NSRP1: variants seen among roughly 807,000 people sequenced by gnomAD.
NSRP1 encodes the protein coiled-coil domain containing 55.
In NSRP1, 24 loss-of-function variants were observed where a neutral mutation model predicts 54.7. The observed-to-expected ratio is 0.44, with a 90% CI of 0.32 to 0.62. The LOEUF (loss-of-function observed/expected upper bound fraction) is 0.62, where lower values mean the gene tolerates loss of function less well. Among genes scored for constraint, NSRP1 ranks in the 20% least tolerant of loss-of-function variants. NSRP1 has a pLI of 0.06. For missense variants in NSRP1, 596 were observed against 651.2 expected, an observed-to-expected ratio of 0.92 and a Z score of 0.92; for synonymous variants, 210 against 213.8, an observed-to-expected ratio of 0.98 and a Z score of 0.15.
chr17:30,134,701 A>T (rs2071732932), intron 2 of NSRP1, among the ~76,000 whole-genome samples: 1 of 152,218 alleles, frequency 6.6e-6, no homozygotes. Flanking sequence ...CATGCTTTTA[A>T]ACAATGTAAT....
intron 5 of NSRP1, among the ~76,000 whole-genome samples, chr17:30,180,398 C>T (rs35986887): frequency 0.41 from 62,086 of 151,934 alleles, 14,262 homozygotes; most frequent in East Asian, 0.82. Flanking sequence ...TCAGGTGATC[C>T]ACCCACCTCA....
chr17:30,172,605 T>A lies in NSRP1; in HGVS notation c.171+7T>A, dbSNP rs749182215. 6.8e-6 allele frequency: 11 copies of A among 1,608,502 alleles called. No individual in the cohort carries two copies. In the East Asian group the frequency reaches 2.0e-4, roughly 29 times the overall value. ...GAAGCAGGCCATGAAACAGGTAAGG[T>A]AGAAGACTGGGATAAGTGCATTCAG... On this transcript the variant is annotated splice_region_variant and intron_variant, in intron 3 of 6. Transcript: ENST00000247026.
Position 30,179,104 on chromosome 17 carries a change from C to T in NSRP1, c.315C>T (p.His105=), listed in dbSNP as rs1428865859. The T allele has an allele frequency of 3.8e-6, 6 of 1,576,956 alleles. No individual in the cohort carries two copies. Among genetic ancestry groups the T allele is most frequent in the Admixed American group, 1.8e-5 (1 of 56,296 alleles). Residue 105 remains histidine, a synonymous_variant, in exon 5 of 7, where the codon CAC becomes CAT. Coordinates refer to ENST00000247026, the MANE Select transcript of NSRP1 (RefSeq NM_032141.4). ...TATTTCCTTAGCCCAAGTATATTCA[C>T]AACTTGCTAAAAGCAGTTGAGATCA... The part of the protein sequence containing the change: ...LGKDRKPKYI[H]NLLKAVEIRK...
intron 2 of NSRP1, among the ~76,000 whole-genome samples, chr17:30,153,557 C>T (rs1435027773): frequency 6.6e-6 from 1 of 152,114 alleles, no homozygotes; most frequent in African/African-American, 2.4e-5. Context: ...CCACCTGCTG[C>T]TTGCCTTGCC....
At chr17:30,165,196 A>C (rs184617425) in intron 2 of NSRP1, among the ~76,000 whole-genome samples, 2 of 152,346 alleles carry the variant, frequency 1.3e-5, no homozygotes, top group Admixed American at 1.3e-4. Context: ...AGTATGGCTT[A>C]TAAAGGAGTA....
In NSRP1 at chr17:30,163,916, C is replaced by T. The variant is rs183166333; in HGVS notation, c.115-8626C>T. 7.9e-5 allele frequency among the ~76,000 whole-genome samples: 12 copies of T among 151,776 alleles called. No individual in the cohort carries two copies. In the East Asian group the frequency reaches 2.3e-3, roughly 29 times the overall value. On this transcript the variant is annotated intron_variant, in intron 2 of 6. Coordinates refer to ENST00000247026, the MANE Select transcript of NSRP1 (RefSeq NM_032141.4). ...GGCAAGGCTGGTCTTGAACTCTTGACCTCAGGTGATCTGCCCTCCTCGACC... is the reference window on the plus strand; with the variant it reads ...GGCAAGGCTGGTCTTGAACTCTTGATCTCAGGTGATCTGCCCTCCTCGACC...
intron 2 of NSRP1, among the ~76,000 whole-genome samples, chr17:30,171,189 G>A (rs1046491453): frequency 2.6e-5 from 4 of 151,198 alleles, no homozygotes; most frequent in African/African-American, 9.7e-5. Flanking sequence ...TATCTCTTTT[G>A]GAAAGGGATT....
At chr17:30,117,213 AAG>A (rs1436759684) in intron 1 of NSRP1, 6 of 636,844 alleles carry the variant, frequency 9.4e-6, no homozygotes, top group African/African-American at 9.2e-5. Flanking sequence ...GGGCAGTGTG[AAG>A]AGAGACAGTT....
At chr17:30,152,423 A>AT (rs200742872) in intron 2 of NSRP1, among the ~76,000 whole-genome samples, 14,505 of 132,112 alleles carry the variant, frequency 0.11, 2,496 homozygotes, top group African/African-American at 0.37. Context: ...CAGCCTAAGA[A>AT]TTTTTTTTTT....
intron 2 of NSRP1, among the ~76,000 whole-genome samples, chr17:30,148,621 G>C (rs1427152176): frequency 6.6e-6 from 1 of 152,196 alleles, no homozygotes; most frequent in Non-Finnish European, 1.5e-5. Flanking sequence ...AATCTTGTCA[G>C]TTGCCTCTGG....
intron 2 of NSRP1, among the ~76,000 whole-genome samples, chr17:30,157,078 A>G (rs1418294051): frequency 1.3e-5 from 2 of 152,222 alleles, no homozygotes; most frequent in East Asian, 1.9e-4. Flanking sequence ...ACTATTTTCC[A>G]TAATGGCTGT....
intron 1 of NSRP1, 72 bp from the exon 2 acceptor site, chr17:30,118,008 A>G: frequency 8.7e-7 from 1 of 1,143,252 alleles, no homozygotes; most frequent in East Asian, 2.4e-5. Flanking sequence ...TTCATGTGGA[A>G]GAGGTAGTAG....
At chr17:30,122,366 TATATATATATATATATATA>T (rs1439768780) in intron 2 of NSRP1, 19 of 26,536 alleles carry the variant, frequency 7.2e-4, no homozygotes, top group South Asian at 3.0e-3. Context: ...TATATATATA[TATATATATATATATATATA>T]TTTTTTTTTT....
At chr17:30,148,015 G>T (rs2071873725) in intron 2 of NSRP1, among the ~76,000 whole-genome samples, 1 of 151,310 alleles carries the variant, frequency 6.6e-6, no homozygotes. Context: ...GTTTCCCCAT[G>T]TTGGCCAGGC....
At chr17:30,122,158 A>G (rs2071603542) in intron 2 of NSRP1, among the ~76,000 whole-genome samples, 1 of 151,566 alleles carries the variant, frequency 6.6e-6, no homozygotes, top group South Asian at 2.1e-4. Flanking sequence ...ACTGAATAAT[A>G]TTCCATTGTA....
intron 2 of NSRP1, among the ~76,000 whole-genome samples, chr17:30,135,742 T>C (rs1171149603): frequency 6.7e-6 from 1 of 148,828 alleles, no homozygotes; most frequent in East Asian, 2.1e-4. Flanking sequence ...AGTGCTGGGA[T>C]TACAGGCGTG....
chr17:30,151,734 G>A (rs1381914485), intron 2 of NSRP1, among the ~76,000 whole-genome samples: 1 of 147,178 alleles, frequency 6.8e-6, no homozygotes, highest in Non-Finnish European at 1.5e-5. Context: ...TTGTTCAAGA[G>A]TCAGCTGTAT....
chr17:30,124,675 A>T (rs2071634987), intron 2 of NSRP1, among the ~76,000 whole-genome samples: 2 of 152,224 alleles, frequency 1.3e-5, no homozygotes, highest in African/African-American at 4.8e-5. Context: ...CCTGGTGGGA[A>T]CTGGGCTTGT....
At chr17:30,142,704 A>G (rs1286445091) in intron 2 of NSRP1, among the ~76,000 whole-genome samples, 1 of 152,168 alleles carries the variant, frequency 6.6e-6, no homozygotes, top group Non-Finnish European at 1.5e-5. Context: ...TGCAATAATA[A>G]TTATATCTGT....
Sources: allele counts gnomAD v4.1 joint callset (sites outside exome capture counted in the v4.1 genomes callset), GRCh38; gene constraint gnomAD v4.1.1; transcripts MANE v1.5; gene names NCBI Gene and HGNC (gene_info 2026-07-23, HGNC 2026-07-21).